Variants in CRYBG1 observed in about 807,000 individuals in gnomAD.
The protein encoded by CRYBG1 is beta/gamma crystallin domain-containing protein 1.
CRYBG1 carries 139 observed loss-of-function variants against 189.2 expected under a neutral mutation model. The observed-to-expected ratio is 0.73, with a 90% CI of 0.64 to 0.85. The LOEUF (loss-of-function observed/expected upper bound fraction) is 0.85. Among genes scored for constraint, CRYBG1 ranks in the 40% least tolerant of loss-of-function variants. The pLI is 0.00. For synonymous variants in CRYBG1, 1,023 were observed against 1,017.1 expected (o/e 1.01, Z -0.11); for missense variants, 2,611 against 2,675.8 (o/e 0.98, Z 0.53).
chr6:106,393,261 A>G (rs997609008), intron 1 of CRYBG1, among the ~76,000 whole-genome samples: 2 of 152,212 alleles, frequency 1.3e-5, no homozygotes, highest in Non-Finnish European at 2.9e-5. Flanking sequence ...AGGCCCGGTA[A>G]CATGAATCAA....
At chr6:106,454,740 G>A (rs1771850208) in intron 2 of CRYBG1, 1 of 152,164 alleles carries the variant, frequency 6.6e-6, no homozygotes, top group Non-Finnish European at 1.5e-5. Context: ...CTATGTTATT[G>A]TATTTGTATA....
chr6:106,382,242 C>T (rs1015581227), intron 1 of CRYBG1, among the ~76,000 whole-genome samples: 1 of 152,150 alleles, frequency 6.6e-6, no homozygotes, highest in African/African-American at 2.4e-5. Context: ...GGACATAGCA[C>T]TTTAAGGGGA....
rs1367771217 is a variant in CRYBG1, at chr6:106,570,369, A to G, written c.*1803A>G. 1 of 152,200 alleles carries G rather than the reference A, an allele frequency of 6.6e-6. No homozygotes were observed. Among genetic ancestry groups the G allele is most frequent in the African/African-American group, 2.4e-5 (1 of 41,440 alleles). The allele number at this position is 152,200 out of a possible 1,614,324, so 9.4% of individuals were successfully genotyped here. A position where few individuals can be genotyped will look rare whatever the true frequency, so the allele number is the denominator to read the frequency against. On this transcript the variant is annotated 3_prime_UTR_variant, in exon 22 of 22. Coordinates refer to ENST00000633556, the MANE Select transcript of CRYBG1 (RefSeq NM_001371242.2). Reference sequence around the variant, plus strand: ...TGATTTTAGGCCTTTTGTGCATACCATTACAATATGGTGGGGTAAGACATT... The same window carrying G: ...TGATTTTAGGCCTTTTGTGCATACCGTTACAATATGGTGGGGTAAGACATT...
At chr6:106,565,264 T>C (rs970860642) in intron 21 of CRYBG1, among the ~76,000 whole-genome samples, 13 of 151,270 alleles carry the variant, frequency 8.6e-5, no homozygotes, top group Non-Finnish European at 1.6e-4. Context: ...GACGTTGCAC[T>C]GAGCCGAGAT....
At chr6:106,445,353 AT>A (rs1308843533) in intron 1 of CRYBG1, among the ~76,000 whole-genome samples, 19 of 152,194 alleles carry the variant, frequency 1.2e-4, no homozygotes, top group Non-Finnish European at 2.5e-4. Flanking sequence ...TAACTCTGTC[AT>A]TAGCCGTGTG....
chr6:106,517,713 T>C lies in CRYBG1; in HGVS notation c.1923-1418T>C, dbSNP rs188077530. Among the ~76,000 whole-genome samples the C allele has an allele frequency of 1.9e-3, 287 of 151,962 alleles. 2 individuals are homozygous for C. The highest frequency in any genetic ancestry group is 0.01 in the Middle Eastern group (3 of 294). ...ATAAGTTGGGGGAAATAAAAACAACTCTGTTCTAAACCATCTCATTTTTTT... is the reference window on the plus strand; with the variant it reads ...ATAAGTTGGGGGAAATAAAAACAACCCTGTTCTAAACCATCTCATTTTTTT... On this transcript the variant is annotated intron_variant, in intron 3 of 21. Coordinates refer to ENST00000633556, the MANE Select transcript of CRYBG1 (RefSeq NM_001371242.2).
At chr6:106,542,619 ATTTTATTTTATTT>A (rs1168027902) in intron 10 of CRYBG1, among the ~76,000 whole-genome samples, 1 of 31,866 alleles carries the variant, frequency 3.1e-5, no homozygotes, top group East Asian at 1.1e-3. Flanking sequence ...ATTTTATTTT[ATTTTATTTTATTT>A]TATTTTATTT....
chr6:106,456,280 A>G (rs113369884), intron 2 of CRYBG1, among the ~76,000 whole-genome samples: 1 of 150,468 alleles, frequency 6.6e-6, no homozygotes, highest in Non-Finnish European at 1.5e-5. Context: ...CAGCCTCCCT[A>G]CTAGCTAGGA....
Position 106,390,277 on chromosome 6 carries a change from G to A in CRYBG1, c.173+29196G>A, listed in dbSNP as rs991013090. On this transcript the variant is annotated intron_variant, in intron 1 of 21. Transcript: ENST00000633556. ...TTGGTTTTAGGGACTTAGTACCAAA[G>A]CAGGAAATAGGATTACAAAAGTTAC... Among the ~76,000 whole-genome samples the A allele has an allele frequency of 6.6e-5, 10 of 152,078 alleles. No individual in the cohort carries two copies. The East Asian group carries it at 1.5e-3, about 23-fold the overall frequency.
chr6:106,440,968 T>C (rs1463034119), intron 1 of CRYBG1, among the ~76,000 whole-genome samples: 1 of 152,240 alleles, frequency 6.6e-6, no homozygotes, highest in African/African-American at 2.4e-5. Context: ...TCCTTTTCTT[T>C]TTGCTGTAGT....
chr6:106,501,056 G>T (rs1773000430), intron 2 of CRYBG1, among the ~76,000 whole-genome samples: 1 of 152,124 alleles, frequency 6.6e-6, no homozygotes, highest in Non-Finnish European at 1.5e-5. Context: ...AGTGCCTATT[G>T]GTACCAAGCA....
chr6:106,554,805 T>G (rs1413054910), intron 16 of CRYBG1, among the ~76,000 whole-genome samples: 2 of 152,262 alleles, frequency 1.3e-5, no homozygotes, highest in Admixed American at 6.5e-5. Context: ...TTTGGTTCTC[T>G]GCTGTATCCC....
chr6:106,530,689 C>A (rs964917553), intron 8 of CRYBG1, among the ~76,000 whole-genome samples: 2 of 152,138 alleles, frequency 1.3e-5, no homozygotes, highest in South Asian at 4.1e-4. Flanking sequence ...GAAGCCAACA[C>A]ACATGGTACT....
At chr6:106,416,233 G>A in intron 1 of CRYBG1, among the ~76,000 whole-genome samples, 1 of 152,218 alleles carries the variant, frequency 6.6e-6, no homozygotes, top group East Asian at 1.9e-4. Context: ...GACCCACGGA[G>A]TTCCAGGGCC....
At chr6:106,526,701 G>A (rs1773744755) in intron 6 of CRYBG1, among the ~76,000 whole-genome samples, 1 of 151,996 alleles carries the variant, frequency 6.6e-6, no homozygotes, top group Non-Finnish European at 1.5e-5. Flanking sequence ...CAGCACGTTG[G>A]GAGGCCGAGG....
chr6:106,528,023 T>C (rs1373645115), intron 7 of CRYBG1, among the ~76,000 whole-genome samples: 1 of 152,214 alleles, frequency 6.6e-6, no homozygotes, highest in African/African-American at 2.4e-5. Context: ...CTCTTAGGAT[T>C]TGATGATTCT....
chr6:106,438,437 G>C (rs1771506858), intron 1 of CRYBG1, among the ~76,000 whole-genome samples: 1 of 152,014 alleles, frequency 6.6e-6, no homozygotes, highest in Non-Finnish European at 1.5e-5. Flanking sequence ...GTTTCAGCAG[G>C]ACCGTGCTCC....
intron 10 of CRYBG1, among the ~76,000 whole-genome samples, chr6:106,542,896 G>C (rs1426459685): frequency 6.8e-6 from 1 of 146,446 alleles, no homozygotes; most frequent in Non-Finnish European, 1.5e-5. Context: ...TGATCCTCCT[G>C]CCTTGGCCTC....
chr6:106,418,947 G>T (rs536567550), intron 1 of CRYBG1, among the ~76,000 whole-genome samples: 15 of 152,370 alleles, frequency 9.8e-5, no homozygotes, highest in African/African-American at 2.9e-4. Flanking sequence ...AGGGCCTAAA[G>T]ATTGGCTGGA....
Sources: allele counts gnomAD v4.1 joint callset (sites outside exome capture counted in the v4.1 genomes callset), GRCh38; gene constraint gnomAD v4.1.1; transcripts MANE v1.5; gene names NCBI Gene and HGNC (gene_info 2026-07-23, HGNC 2026-07-21).